UBE2D4: variants seen among roughly 807,000 people sequenced by gnomAD.
UBE2D4 encodes the protein ubiquitin conjugating enzyme E2 D4, also known as ubiquitin-conjugating enzyme E2 D4.
Under a neutral mutation model 23.0 loss-of-function variants are expected in UBE2D4, and 17 were observed. That is an observed-to-expected ratio of 0.74 (90% CI 0.51 to 1.11). The LOEUF is 1.11. Ranked by LOEUF, UBE2D4 falls within the 50% of genes least tolerant of loss-of-function variation. UBE2D4 has a pLI of 0.00. For missense variants in UBE2D4, 139 were observed against 181.8 expected (o/e 0.76, Z 1.35); for synonymous variants, 61 against 69.4 (o/e 0.88, Z 0.60).
Position 43,954,907 on chromosome 7 carries a change from T to A in UBE2D4, c.*2212T>A, listed in dbSNP as rs1350916637. 2 of 152,218 alleles carry A rather than the reference T, an allele frequency of 1.3e-5. No individual in the cohort carries two copies. Among genetic ancestry groups the A allele is most frequent in the African/African-American group, 4.8e-5 (2 of 41,450 alleles). The allele number at this position is 152,218 out of a possible 1,614,324, so 9.4% of individuals were successfully genotyped here. A position where few individuals can be genotyped will look rare whatever the true frequency, so the allele number is the denominator to read the frequency against. On this transcript the variant is annotated 3_prime_UTR_variant, in exon 7 of 7. Transcript: ENST00000222402. ...ACTCTGGTCTTTCAAGTGTAGTAGC[T>A]GATGATTCCCAAGAAACTGATGAAT... is the stretch of plus-strand genomic sequence containing the variant.
chr7:43,931,988 A>G (rs1243358999), intron 1 of UBE2D4, among the ~76,000 whole-genome samples: 1 of 135,394 alleles, frequency 7.4e-6, no homozygotes, highest in Non-Finnish European at 1.6e-5. Flanking sequence ...GTGCCTGGCC[A>G]TGACACACTT....
chr7:43,945,150 G>A (rs554393161), intron 4 of UBE2D4, among the ~76,000 whole-genome samples: 50 of 152,054 alleles, frequency 3.3e-4, no homozygotes, highest in African/African-American at 1.1e-3. Context: ...CCGCCACCAC[G>A]CCGGCTAATT....
chr7:43,943,991 G>A (rs75738658), intron 4 of UBE2D4: 1,692 of 151,740 alleles, frequency 0.011, 10 homozygotes, highest in Non-Finnish European at 0.017. Context: ...CAAGAGGGCG[G>A]ACAGGTCCCC....
At position 43,954,320 on chromosome 7, in the gene UBE2D4, T is replaced by G. The variant is rs955566804; in HGVS notation, c.*1625T>G. On this transcript the variant is annotated 3_prime_UTR_variant, in exon 7 of 7. Transcript: ENST00000222402. ...CCTTGCTCTGTCTCCCAGGCTGGAG[T>G]GCAGTGGTGCGATCTTGGCTCACTG... 1.4e-5 allele frequency: 2 copies of G among 139,320 alleles called. No homozygotes were observed. The highest frequency in any genetic ancestry group is 5.4e-5 in the African/African-American group (2 of 36,982). 8.6% of individuals were successfully genotyped at this position (139,320 alleles called of 1,614,324 possible). A position where few individuals can be genotyped will look rare whatever the true frequency, so the allele number is the denominator to read the frequency against.
At chr7:43,950,274 C>T (rs1391238498) in intron 5 of UBE2D4, among the ~76,000 whole-genome samples, 2 of 152,128 alleles carry the variant, frequency 1.3e-5, no homozygotes, top group Non-Finnish European at 2.9e-5. Flanking sequence ...GACTAAATGC[C>T]AGAGGTTCAT....
chr7:43,927,660 G>T (rs2095935690), intron 1 of UBE2D4, among the ~76,000 whole-genome samples: 1 of 152,110 alleles, frequency 6.6e-6, no homozygotes, highest in African/African-American at 2.4e-5. Context: ...AACTTATTTA[G>T]TCATTACCTG....
In UBE2D4 at chr7:43,938,600, C is replaced by G. The variant is rs1394319852; in HGVS notation, c.88+106C>G. Reference sequence around the variant, plus strand: ...CCTGTAATCCCAACACTTTGGGAAGCCAAGGTGGGTGGATCACCTGAGGTC... The same window carrying G: ...CCTGTAATCCCAACACTTTGGGAAGGCAAGGTGGGTGGATCACCTGAGGTC... On this transcript the variant is annotated intron_variant, in intron 2 of 6. Transcript: ENST00000222402. The G allele has an allele frequency of 1.4e-5, 16 of 1,104,604 alleles. No homozygotes were observed. The African/African-American group carries it at 1.5e-4, about 11-fold the overall frequency. 68.4% of individuals were successfully genotyped at this position (1,104,604 alleles called of 1,614,324 possible). A position where few individuals can be genotyped will look rare whatever the true frequency, so the allele number is the denominator to read the frequency against.
At chr7:43,931,893 T>C (rs541188229) in intron 1 of UBE2D4, among the ~76,000 whole-genome samples, 1 of 152,186 alleles carries the variant, frequency 6.6e-6, no homozygotes, top group South Asian at 2.1e-4. Context: ...TTTGCCATGT[T>C]GCCAGGCTGG....
chr7:43,948,636 C>T lies in UBE2D4; in HGVS notation c.203C>T (p.Ala68Val). 1 of 1,604,346 alleles carries T rather than the reference C, an allele frequency of 6.2e-7. No homozygotes were observed. The highest frequency in any genetic ancestry group is 1.1e-5 in the South Asian group (1 of 90,824). ...GGGGATCTCTTGTCTTTGCAGGTTG[C>T]TTTCACAACCAAAATTTATCACCCT... ...TDYPFKPPKVAFTTKIYHPNI... is the reference protein window; with the variant it reads ...TDYPFKPPKVVFTTKIYHPNI... Residue 68 changes from alanine (A) to valine (V), a missense_variant, in exon 5 of 7, where the codon GCT (alanine) becomes GTT (valine). By Grantham distance (64) the Ala-to-Val change is moderately conservative. Coordinates refer to ENST00000222402, the MANE Select transcript of UBE2D4 (RefSeq NM_015983.4).
At position 43,942,837 on chromosome 7, in the gene UBE2D4, C is replaced by T; in HGVS notation, c.100C>T (p.Gln34Ter). The change falls in exon 3 of 7, where the codon CAG becomes TAG. Residue 34 changes from glutamine to a stop codon, truncating the protein, a stop_gained. Coordinates refer to ENST00000222402, the MANE Select transcript of UBE2D4 (RefSeq NM_015983.4). LOFTEE classifies it high-confidence loss of function. The stretch of plus-strand genomic sequence containing the variant: ...CTTTTGTTTTGTAGTGTTCCACTGG[C>T]AGGCCACCATCATGGGCCCGGTAGG... ...GPVGDDLFHW[Q>*]ATIMGPNDSP... 1 of 1,614,200 alleles carries T rather than the reference C, an allele frequency of 6.2e-7. No homozygotes were observed. The highest frequency in any genetic ancestry group is 8.5e-7 in the Non-Finnish European group (1 of 1,180,040).
Position 43,942,830 on chromosome 7 carries a change from C to A in UBE2D4, c.93C>A (p.Phe31Leu). ...CSAGPVGDDLFHWQATIMGPN... is the reference protein window; with the variant it reads ...CSAGPVGDDLLHWQATIMGPN... ...CGTCTCTCTTTTGTTTTGTAGTGTT[C>A]CACTGGCAGGCCACCATCATGGGCC... The change falls in exon 3 of 7, where the codon TTC (phenylalanine) becomes TTA (leucine). Residue 31 changes from phenylalanine (F) to leucine (L), a missense_variant. Physicochemically the swap from Phe to Leu is conservative, Grantham distance 22. Coordinates refer to ENST00000222402, the MANE Select transcript of UBE2D4 (RefSeq NM_015983.4). 3 of 1,614,152 alleles carry A rather than the reference C, an allele frequency of 1.9e-6. No homozygotes were observed. The highest frequency in any genetic ancestry group is 2.5e-6 in the Non-Finnish European group (3 of 1,180,036).
intron 1 of UBE2D4, among the ~76,000 whole-genome samples, chr7:43,936,517 A>G (rs1399958011): frequency 6.6e-6 from 1 of 152,176 alleles, no homozygotes; most frequent in Non-Finnish European, 1.5e-5. Context: ...TGATTTGGTA[A>G]TAAATTCCCA....
Position 43,944,297 on chromosome 7 carries a change from A to T in UBE2D4, c.198+1266A>T, listed in dbSNP as rs1187639179. The T allele has an allele frequency of 6.6e-6, 1 of 152,174 alleles. No individual in the cohort carries two copies. The highest frequency in any genetic ancestry group is 2.4e-5 in the African/African-American group (1 of 41,436). The allele number at this position is 152,174 out of a possible 1,614,324, so 9.4% of individuals were successfully genotyped here. On this transcript the variant is annotated intron_variant, in intron 4 of 6. Coordinates refer to ENST00000222402, the MANE Select transcript of UBE2D4 (RefSeq NM_015983.4). This position sits in a 1 kb window ranked among gnomAD's most constrained non-coding sequence, Gnocchi z 4.0. ...GGTCTCGAACTCCTGGCCTTAGGTG[A>T]TCCACCCACCTCCGCCTCCCAAAGT...
At chr7:43,950,173 C>A (rs1233405104) in intron 5 of UBE2D4, among the ~76,000 whole-genome samples, 2 of 152,148 alleles carry the variant, frequency 1.3e-5, no homozygotes, top group African/African-American at 4.8e-5. Flanking sequence ...TCATTTTAAT[C>A]CATTTATTGG....
intron 5 of UBE2D4, among the ~76,000 whole-genome samples, chr7:43,950,070 G>A (rs2095998461): frequency 6.6e-6 from 1 of 152,022 alleles, no homozygotes; most frequent in Non-Finnish European, 1.5e-5. Flanking sequence ...TGGTCAGGCT[G>A]GTCTTGAACT....
intron 1 of UBE2D4, among the ~76,000 whole-genome samples, chr7:43,932,391 G>A (rs564865807): frequency 8.5e-5 from 13 of 152,310 alleles, no homozygotes; most frequent in South Asian, 8.3e-4. Flanking sequence ...CACCCTCAAC[G>A]TTGGAGATTA....
Position 43,950,607 on chromosome 7 carries a change from T to C in UBE2D4, c.313T>C (p.Ser105Pro), listed in dbSNP as rs754740447. The change falls in exon 6 of 7, where the codon TCC becomes CCC. Residue 105 changes from serine to proline, a missense_variant. By Grantham distance (74) the Ser-to-Pro change is moderately conservative. Coordinates refer to ENST00000222402, the MANE Select transcript of UBE2D4 (RefSeq NM_015983.4). The part of the protein sequence containing the change: ...PALTVSKVLL[S>P]ICSLLCDPNP... Reference sequence around the variant, plus strand: ...TTTTCTTTTCTTCCCAGTTCTCTTGTCCATCTGCTCGCTGCTCTGCGACCC... The same window carrying C: ...TTTTCTTTTCTTCCCAGTTCTCTTGCCCATCTGCTCGCTGCTCTGCGACCC... The C allele has an allele frequency of 1.2e-6, 2 of 1,614,164 alleles. No individual in the cohort carries two copies. The highest frequency in any genetic ancestry group is 8.5e-7 in the Non-Finnish European group (1 of 1,179,980).
chr7:43,933,029 T>C (rs4724260), intron 1 of UBE2D4, among the ~76,000 whole-genome samples: 16,692 of 123,888 alleles, frequency 0.13, 1,466 homozygotes, highest in Admixed American at 0.2. Flanking sequence ...CACATATATA[T>C]ACACATATGT....
chr7:43,945,676 CA>C (rs2095984694), intron 4 of UBE2D4, among the ~76,000 whole-genome samples: 1 of 150,668 alleles, frequency 6.6e-6, no homozygotes, highest in Non-Finnish European at 1.5e-5. Context: ...ATCAAACATG[CA>C]AAAAATTGTA....
Sources: allele counts gnomAD v4.1 joint callset (sites outside exome capture counted in the v4.1 genomes callset), GRCh38; gene constraint gnomAD v4.1.1; non-coding constraint Gnocchi (gnomAD v3.1); transcripts MANE v1.5; gene names NCBI Gene and HGNC (gene_info 2026-07-23, HGNC 2026-07-21).